GBF1: variants seen among roughly 807,000 people sequenced by gnomAD.
GBF1 encodes the protein Golgi-specific brefeldin A-resistance guanine nucleotide exchange factor 1.
Under a neutral mutation model 210.5 loss-of-function variants are expected in GBF1, and 114 were observed. The ratio of observed to expected loss-of-function variants is 0.54; its 90% confidence interval spans 0.47 to 0.63. GBF1 has a LOEUF of 0.63. Among genes scored for constraint, GBF1 ranks in the 30% least tolerant of loss-of-function variants. The pLI, the probability that GBF1 is intolerant of heterozygous loss-of-function variation, is 0.00. For synonymous variants in GBF1, 850 were observed against 889.2 expected, an observed-to-expected ratio of 0.96 and a Z score of 0.78; for missense variants, 1,851 against 2,357.7, an observed-to-expected ratio of 0.79 and a Z score of 4.45.
At chr10:102,249,503 G>A (rs1231922431) in intron 1 of GBF1, among the ~76,000 whole-genome samples, 2 of 152,198 alleles carry the variant, frequency 1.3e-5, no homozygotes, top group African/African-American at 4.8e-5. Flanking sequence ...GTGATGCATT[G>A]TCAGGGCACC....
intron 4 of GBF1, among the ~76,000 whole-genome samples, chr10:102,344,465 G>GGTTT (rs10635573): frequency 0.26 from 38,619 of 150,518 alleles, 5,386 homozygotes; most frequent in African/African-American, 0.36. Flanking sequence ...AGTTTGGTTA[G>GGTTT]GTTTGTTTGT....
intron 8 of GBF1, among the ~76,000 whole-genome samples, chr10:102,354,543 C>T (rs1022010761): frequency 6.6e-6 from 1 of 152,140 alleles, no homozygotes; most frequent in East Asian, 1.9e-4. Context: ...ACCTGGGTCC[C>T]ATTTCCATTG....
Position 102,291,274 on chromosome 10 carries a change from C to T in GBF1, c.163+31158C>T, listed in dbSNP as rs573284019. 3.9e-5 allele frequency among the ~76,000 whole-genome samples: 6 copies of T among 152,046 alleles called. No homozygotes were observed. The South Asian group carries it at 1.2e-3, about 31-fold the overall frequency. On this transcript the variant is annotated intron_variant, in intron 3 of 39. Coordinates refer to ENST00000369983, the MANE Select transcript of GBF1 (RefSeq NM_001377137.1). ...AAATAGGTAGTGGTATTTTTTTATCCTTACAGAGAAGTGCATCAACTAGTT... is the reference window on the plus strand; with the variant it reads ...AAATAGGTAGTGGTATTTTTTTATCTTTACAGAGAAGTGCATCAACTAGTT...
intron 3 of GBF1, among the ~76,000 whole-genome samples, chr10:102,277,392 CTTTT>C (rs35430312): frequency 7.3e-6 from 1 of 137,004 alleles, no homozygotes. Flanking sequence ...TACATTGTGA[CTTTT>C]TTTTTTTTTT....
intron 3 of GBF1, among the ~76,000 whole-genome samples, chr10:102,299,561 T>A (rs1364608706): frequency 6.6e-6 from 1 of 152,136 alleles, no homozygotes; most frequent in East Asian, 1.9e-4. Flanking sequence ...GGCGGGTGGA[T>A]TACCTGAGTT....
At chr10:102,365,080 A>G (rs936438201) in intron 17 of GBF1, among the ~76,000 whole-genome samples, 2 of 152,242 alleles carry the variant, frequency 1.3e-5, no homozygotes, top group African/African-American at 2.4e-5. Context: ...AGGGATGGAT[A>G]TAAAACTGGA....
At chr10:102,272,225 C>T (rs1419865560) in intron 3 of GBF1, among the ~76,000 whole-genome samples, 2 of 152,156 alleles carry the variant, frequency 1.3e-5, no homozygotes, top group Non-Finnish European at 2.9e-5. Context: ...CTGCCTCAGC[C>T]TCCCCAGTAG....
intron 3 of GBF1, among the ~76,000 whole-genome samples, chr10:102,339,922 G>A (rs1318144554): frequency 6.7e-6 from 1 of 150,064 alleles, no homozygotes; most frequent in Non-Finnish European, 1.5e-5. Context: ...GAGTCGCTGG[G>A]ACTACAGGCA....
Position 102,351,307 on chromosome 10 carries a change from TCACCCATGC to T in GBF1, c.348_356del (p.Thr117_Ala119del). On this transcript the variant is annotated inframe_deletion, in exon 5 of 40. Transcript: ENST00000369983. Reference sequence around the variant, plus strand: ...GGCATGGAGAACATGGCAGATGCTGTCACCCATGCTCGTTTTGTGGGCACGGATCCTGCC... The same window carrying T: ...GGCATGGAGAACATGGCAGATGCTGTTCGTTTTGTGGGCACGGATCCTGCC... 1 of 1,612,428 alleles carries T rather than the reference TCACCCATGC, an allele frequency of 6.2e-7. No homozygotes were observed. Among genetic ancestry groups the T allele is most frequent in the Non-Finnish European group, 8.5e-7 (1 of 1,178,474 alleles).
At chr10:102,329,888 C>T (rs1267316790) in intron 3 of GBF1, among the ~76,000 whole-genome samples, 1 of 152,102 alleles carries the variant, frequency 6.6e-6, no homozygotes, top group Middle Eastern at 3.2e-3. Flanking sequence ...GCAGGAGGAT[C>T]ATTTAAGGCC....
chr10:102,320,790 T>A (rs1275801185), intron 3 of GBF1, among the ~76,000 whole-genome samples: 1 of 151,958 alleles, frequency 6.6e-6, no homozygotes, highest in Non-Finnish European at 1.5e-5. Flanking sequence ...TTTTTATTTT[T>A]AATTCTTTTT....
intron 3 of GBF1, among the ~76,000 whole-genome samples, chr10:102,287,358 T>A (rs1263424115): frequency 7.3e-6 from 1 of 136,884 alleles, no homozygotes; most frequent in Non-Finnish European, 1.6e-5. Flanking sequence ...TTTTTTTTTT[T>A]TTTTTTTTTT....
chr10:102,282,021 G>A (rs1235281771), intron 3 of GBF1, among the ~76,000 whole-genome samples: 9 of 150,494 alleles, frequency 6.0e-5, no homozygotes, highest in Non-Finnish European at 1.3e-4. Flanking sequence ...CCGCCTCCCA[G>A]GTTCCTGCCA....
At chr10:102,290,343 A>T (rs1457634970) in intron 3 of GBF1, among the ~76,000 whole-genome samples, 1 of 152,124 alleles carries the variant, frequency 6.6e-6, no homozygotes, top group East Asian at 1.9e-4. Flanking sequence ...CCATGCATTT[A>T]CCTAATATAT....
chr10:102,295,106 C>T (rs1157672632), intron 3 of GBF1, among the ~76,000 whole-genome samples: 1 of 152,116 alleles, frequency 6.6e-6, no homozygotes, highest in Non-Finnish European at 1.5e-5. Context: ...GTGTGTATTG[C>T]TGCTTCTTAG....
At chr10:102,236,056 A>G in the GBF1 span, among the ~76,000 whole-genome samples, 1 of 152,206 alleles carries the variant, frequency 6.6e-6, no homozygotes, top group African/African-American at 2.4e-5. Flanking sequence ...AAAGAACAGT[A>G]AAGCCAGGCA....
chr10:102,367,590 C>G, intron 21 of GBF1, 30 bp downstream of exon 21: 1 of 1,225,228 alleles, frequency 8.2e-7, no homozygotes, highest in Non-Finnish European at 1.2e-6. Flanking sequence ...AGTGCAGTAT[C>G]TCTGTTAAGA....
chr10:102,351,254 A>T lies in GBF1; in HGVS notation c.296-2A>T, dbSNP rs1565144847. 1 of 1,511,104 alleles carries T rather than the reference A, an allele frequency of 6.6e-7. No individual in the cohort carries two copies. Among genetic ancestry groups the T allele is most frequent in the Admixed American group, 1.7e-5 (1 of 59,764 alleles). The allele number at this position is 1,511,104 out of a possible 1,614,324, so 93.6% of individuals were successfully genotyped here. ...TTAATCTTTCCTTTTTCGCTGGAGC[A>T]GATCCCACCCATGAGGGCACAGCAG... On this transcript the variant is annotated splice_acceptor_variant, in intron 4 of 39. Transcript: ENST00000369983. LOFTEE classifies it high-confidence loss of function.
At chr10:102,364,652 C>T (rs1246367435) in intron 17 of GBF1, among the ~76,000 whole-genome samples, 11 of 151,354 alleles carry the variant, frequency 7.3e-5, no homozygotes, top group African/African-American at 2.7e-4. Context: ...AGTTTGAGAC[C>T]AGCCTGGCTA....
Sources: gnomAD v4.1 joint callset for allele counts (sites outside exome capture counted in the v4.1 genomes callset) on GRCh38, gnomAD v4.1.1 for gene constraint, MANE v1.5 for transcripts, NCBI Gene and HGNC (gene_info 2026-07-23, HGNC 2026-07-21) for gene names.